ARHGEF11: variants seen among roughly 807,000 people sequenced by gnomAD.
ARHGEF11 encodes Rho guanine nucleotide exchange factor 11.
In ARHGEF11, 55 loss-of-function variants were observed where a neutral mutation model predicts 193.7. The observed-to-expected ratio is 0.28, with a 90% CI of 0.23 to 0.36. ARHGEF11 has a LOEUF of 0.36. Ranked by LOEUF, ARHGEF11 falls within the 10% of genes least tolerant of loss-of-function variation. The pLI, the probability that ARHGEF11 is intolerant of heterozygous loss-of-function variation, is 1.00. For missense variants in ARHGEF11, 1,723 were observed against 2,005.6 expected (o/e 0.86, Z 2.69); for synonymous variants, 693 against 768.0 (o/e 0.90, Z 1.62).
chr1:157,022,366 A>T (rs1033781978), intron 1 of ARHGEF11, among the ~76,000 whole-genome samples: 6 of 152,238 alleles, frequency 3.9e-5, no homozygotes, highest in African/African-American at 1.4e-4. Flanking sequence ...ATTCAATTGT[A>T]TTTCTATACA....
intron 1 of ARHGEF11, among the ~76,000 whole-genome samples, chr1:157,027,209 C>T (rs552177918): frequency 7.9e-5 from 12 of 152,264 alleles, no homozygotes; most frequent in Admixed American, 2.0e-4. Flanking sequence ...TGGCAAAACC[C>T]TGTCTCTACA....
intron 1 of ARHGEF11, among the ~76,000 whole-genome samples, chr1:157,029,507 G>A (rs1360521260): frequency 6.6e-6 from 1 of 151,972 alleles, no homozygotes; most frequent in Non-Finnish European, 1.5e-5. Flanking sequence ...CCTGACCTCA[G>A]GTGATGCACC....
intron 1 of ARHGEF11, among the ~76,000 whole-genome samples, chr1:157,040,926 ATTGTAC>A (rs1672660985): frequency 6.6e-6 from 1 of 152,186 alleles, no homozygotes; most frequent in Non-Finnish European, 1.5e-5. Context: ...TGAGAACTGG[ATTGTAC>A]TTTATAGAAA....
chr1:156,990,795 T>C (rs1441897274), intron 1 of ARHGEF11, among the ~76,000 whole-genome samples: 1 of 152,224 alleles, frequency 6.6e-6, no homozygotes, highest in Non-Finnish European at 1.5e-5. Context: ...TCTTTGATCA[T>C]GTCCTTGCTT....
intron 21 of ARHGEF11, among the ~76,000 whole-genome samples, chr1:156,954,371 CTG>C (rs1659587637): frequency 1.0e-5 from 1 of 98,226 alleles, no homozygotes; most frequent in Non-Finnish European, 1.9e-5. Flanking sequence ...CAGAGTGAAA[CTG>C]TGTCTCCAAA....
intron 2 of ARHGEF11, 112 bp downstream of exon 2, chr1:156,985,970 C>A: frequency 2.4e-6 from 2 of 839,784 alleles, no homozygotes; most frequent in East Asian, 2.5e-5. Context: ...ACACTACAGA[C>A]CAGAGCTCTT....
chr1:156,943,433 TATCTTACAGACGA>T (rs1469670108), intron 32 of ARHGEF11, among the ~76,000 whole-genome samples: 24 of 152,228 alleles, frequency 1.6e-4, no homozygotes, highest in African/African-American at 5.8e-4. Context: ...GTATCACTCC[TATCTTACAGACGA>T]AGAAAGTGAA....
At chr1:156,986,058 T>A (rs1407978825) in intron 2 of ARHGEF11, 24 bp downstream of exon 2, 2 of 1,599,440 alleles carry the variant, frequency 1.3e-6, no homozygotes, top group Admixed American at 3.3e-5. Context: ...GCTGTTTTTG[T>A]ATGTTAATGC....
chr1:156,951,979 A>G (rs923359202), intron 21 of ARHGEF11, among the ~76,000 whole-genome samples: 3 of 151,736 alleles, frequency 2.0e-5, no homozygotes, highest in Non-Finnish European at 4.4e-5. Context: ...TGGCTCTCAC[A>G]TTATTATAAT....
intron 1 of ARHGEF11, among the ~76,000 whole-genome samples, chr1:157,010,308 A>G (rs1668392632): frequency 6.6e-6 from 1 of 152,256 alleles, no homozygotes; most frequent in South Asian, 2.1e-4. Context: ...AGGAAAAAGT[A>G]AAACTCTCTC....
chr1:157,006,230 C>G (rs1667803240), intron 1 of ARHGEF11, among the ~76,000 whole-genome samples: 2 of 152,088 alleles, frequency 1.3e-5, no homozygotes, highest in African/African-American at 4.8e-5. Context: ...CCTTAGACTC[C>G]CAAAGCACTA....
At chr1:156,958,642 C>T in intron 17 of ARHGEF11, 100 bp downstream of exon 17, 1 of 1,535,684 alleles carries the variant, frequency 6.5e-7, no homozygotes, top group Non-Finnish European at 8.9e-7. Flanking sequence ...GAGAATCAGG[C>T]AAGAAGTGGA....
At chr1:156,975,388 T>A (rs142137648) in intron 7 of ARHGEF11, among the ~76,000 whole-genome samples, 219 of 152,332 alleles carry the variant, frequency 1.4e-3, no homozygotes, top group African/African-American at 5.1e-3. Flanking sequence ...CTTTGCAAGT[T>A]TTTAAATTGG....
intron 5 of ARHGEF11, among the ~76,000 whole-genome samples, chr1:156,978,677 A>G (rs1441796426): frequency 6.6e-6 from 1 of 152,210 alleles, no homozygotes. Flanking sequence ...ATCTCACTAA[A>G]GTAAGTAGCC....
At chr1:157,023,968 C>T (rs537311077) in intron 1 of ARHGEF11, among the ~76,000 whole-genome samples, 1 of 152,142 alleles carries the variant, frequency 6.6e-6, no homozygotes, top group South Asian at 2.1e-4. Flanking sequence ...AAACATATGC[C>T]CACATAAAAC....
chr1:156,968,054 A>G lies in ARHGEF11; in HGVS notation c.896T>C (p.Met299Thr), dbSNP rs1372562153. The change falls in exon 11 of 41, where the codon ATG (methionine) becomes ACG (threonine). Residue 299 changes from methionine to threonine, a missense_variant. Transcript: ENST00000368194. ...CCTGTGGTGCTGGGCCACCCTGGCC[A>G]TGATCACAGGGGAGGTTCGAGGACT... Reference protein sequence around the residue: ...LDSPRTSPVIMARVAQHHRRQ... With the variant: ...LDSPRTSPVITARVAQHHRRQ... 1.9e-5 allele frequency: 31 copies of G among 1,614,130 alleles called. No individual in the cohort carries two copies. Among genetic ancestry groups the G allele is most frequent in the Non-Finnish European group, 2.4e-5 (28 of 1,180,046 alleles).
rs1390338985 is a variant in ARHGEF11 at position 156,956,476 on chromosome 1, C to T, written c.1615G>A (p.Ala539Thr). ...TTGTCCTTGTCAGGAGCAGACTGGG[C>T]CTTTTCAGCTGTGTTGGAAGGTCGT... ...EARPSNTAEK[A>T]QSAPDKDKWL... The change falls in exon 19 of 41, where the codon GCC (alanine) becomes ACC (threonine). Residue 539 changes from alanine (A) to threonine (T), a missense_variant. This residue lies in a region of ARHGEF11 where 646 missense variants were observed against 710.7 expected (regional missense o/e 0.91). Transcript: ENST00000368194. The T allele has an allele frequency of 5.0e-6, 8 of 1,613,958 alleles. No homozygotes were observed. Among genetic ancestry groups the T allele is most frequent in the Non-Finnish European group, 6.8e-6 (8 of 1,180,040 alleles).
chr1:156,948,481 C>A lies in ARHGEF11; in HGVS notation c.1943G>T (p.Arg648Leu), dbSNP rs969648888. ...LESDSSRSEI[R>L]LGRSESLKGR... ...CTTGAGGCTTTCAGAGCGGCCCAGG[C>A]GAATCTCTGAGCGTGAACTGGGGGG... Residue 648 changes from arginine to leucine, a missense_variant, in exon 23 of 41, where the codon CGC becomes CTC. Coordinates refer to ENST00000368194, the MANE Select transcript of ARHGEF11 (RefSeq NM_198236.3). This position sits in a 1 kb window ranked among gnomAD's most constrained non-coding sequence, Gnocchi z 4.2. The A allele has an allele frequency of 1.2e-6, 2 of 1,614,034 alleles. No homozygotes were observed. The highest frequency in any genetic ancestry group is 1.3e-5 in the African/African-American group (1 of 74,912).
Position 156,969,413 on chromosome 1 carries a change from G to A in ARHGEF11, c.749-55C>T, listed in dbSNP as rs991529372. The A allele has an allele frequency of 1.4e-5, 22 of 1,523,564 alleles. No homozygotes were observed. The African/African-American group carries it at 2.3e-4, about 16-fold the overall frequency. The allele number at this position is 1,523,564 out of a possible 1,614,324, so 94.4% of individuals were successfully genotyped here. On this transcript the variant is annotated intron_variant, in intron 9 of 40. Transcript: ENST00000368194. ...AAGGAGCTGTGGCCTAGGGGAAAGA[G>A]AGCCTTTATTCTGGGCACCTGTGTG...
Sources: gnomAD v4.1 joint callset for allele counts (sites outside exome capture counted in the v4.1 genomes callset) on GRCh38, gnomAD v4.1.1 for gene constraint, gnomAD v4.1.1 regional missense constraint, Gnocchi (gnomAD v3.1) non-coding constraint, MANE v1.5 for transcripts, NCBI Gene and HGNC (gene_info 2026-07-23, HGNC 2026-07-21) for gene names.